ZNF507: variants seen among roughly 807,000 people sequenced by gnomAD.
ZNF507 encodes the protein zinc finger protein 507.
A neutral mutation model predicts 80.0 loss-of-function variants in ZNF507; 29 were observed. The observed-to-expected ratio is 0.36, with a 90% CI of 0.27 to 0.49. The LOEUF (loss-of-function observed/expected upper bound fraction) is 0.49, where lower values mean the gene tolerates loss of function less well. ZNF507 is among the 20% of genes least tolerant of loss of function. ZNF507 has a pLI of 0.98. For missense variants in ZNF507, 1,081 were observed against 1,152.2 expected (o/e 0.94, Z 0.90); for synonymous variants, 462 against 422.5 (o/e 1.09, Z -1.15).
rs180975764 is a variant in ZNF507, at chr19:32,375,073, G to C, written c.2361-7394G>C. Among the ~76,000 whole-genome samples the C allele has an allele frequency of 5.8e-3, 875 of 151,958 alleles. 5 individuals are homozygous for C. The highest frequency in any genetic ancestry group is 0.01 in the Middle Eastern group (3 of 292). On this transcript the variant is annotated intron_variant, in intron 5 of 6. Coordinates refer to ENST00000355898, the MANE Select transcript of ZNF507 (RefSeq NM_001136156.2). The stretch of plus-strand genomic sequence containing the variant: ...TGAGTATGGCAGTAGGAAATACACA[G>C]CTATACCCATGGAGTATATTTGTAA...
intron 4 of ZNF507, chr19:32,357,128 A>T (rs1967263674): frequency 6.3e-6 from 1 of 157,996 alleles, no homozygotes. Context: ...CCAAACTTTA[A>T]CTGGGGCTCC....
At chr19:32,363,045 G>A (rs967842914) in intron 5 of ZNF507, among the ~76,000 whole-genome samples, 5 of 152,108 alleles carry the variant, frequency 3.3e-5, no homozygotes, top group Non-Finnish European at 7.4e-5. Flanking sequence ...CTTTCTCCTC[G>A]TTGTCCTATA....
At chr19:32,367,504 T>G (rs146475144) in intron 5 of ZNF507, among the ~76,000 whole-genome samples, 407 of 152,378 alleles carry the variant, frequency 2.7e-3, no homozygotes, top group African/African-American at 8.6e-3. Context: ...TGTCTTTTGA[T>G]GAACAGACAT....
intron 3 of ZNF507, 94 bp downstream of exon 3, chr19:32,355,051 G>A (rs1374559141): frequency 1.6e-6 from 2 of 1,262,082 alleles, no homozygotes; most frequent in Non-Finnish European, 2.1e-6. Context: ...TCATTTTATA[G>A]ATAAGGAAAC....
chr19:32,354,842 G>T lies in ZNF507; in HGVS notation c.2012G>T (p.Cys671Phe). Residue 671 changes from cysteine to phenylalanine, a missense_variant, in exon 3 of 7, where the codon TGT (cysteine) becomes TTT (phenylalanine). Physicochemically the swap from Cys to Phe is radical, Grantham distance 205. Coordinates refer to ENST00000355898, the MANE Select transcript of ZNF507 (RefSeq NM_001136156.2). ...RVHRQRQPYQ[C>F]PICEHIADNS... ...CATCGACAGAGACAGCCTTATCAGT[G>T]TCCTATCTGCGAGCACATAGCGGAC... The T allele has an allele frequency of 6.2e-7, 1 of 1,614,178 alleles. No individual in the cohort carries two copies. The highest frequency in any genetic ancestry group is 1.1e-5 in the South Asian group (1 of 91,086).
At chr19:32,348,320 A>AT (rs1967121486) in intron 2 of ZNF507, among the ~76,000 whole-genome samples, 2 of 149,286 alleles carry the variant, frequency 1.3e-5, no homozygotes, top group Admixed American at 1.3e-4. Context: ...TTTTTTTCCC[A>AT]TTTTGGAAAA....
intron 5 of ZNF507, among the ~76,000 whole-genome samples, chr19:32,377,496 TATA>T (rs1399655788): frequency 2.0e-5 from 3 of 152,254 alleles, no homozygotes; most frequent in African/African-American, 7.2e-5. Flanking sequence ...GATATTCATA[TATA>T]ATCATATCTA....
At chr19:32,346,232 G>A (rs914686963) in intron 1 of ZNF507, among the ~76,000 whole-genome samples, 1 of 152,214 alleles carries the variant, frequency 6.6e-6, no homozygotes, top group Middle Eastern at 3.4e-3. Flanking sequence ...CTACAGAAAC[G>A]CAGCCCTGGT....
Position 32,385,006 on chromosome 19 carries a change from TGTAA to T in ZNF507, c.*1926_*1929del. The T allele has an allele frequency of 6.6e-6, 1 of 152,032 alleles. No homozygotes were observed. Among genetic ancestry groups the T allele is most frequent in the East Asian group, 1.9e-4 (1 of 5,180 alleles). 9.4% of individuals were successfully genotyped at this position (152,032 alleles called of 1,614,324 possible). ...TTACCCATACTGTTGCCACTCATAT[TGTAA>T]GTCAGTTTTTTCATTGCTGGTACAA... On this transcript the variant is annotated 3_prime_UTR_variant, in exon 7 of 7. Coordinates refer to ENST00000355898, the MANE Select transcript of ZNF507 (RefSeq NM_001136156.2).
At position 32,354,790 on chromosome 19, in the gene ZNF507, G is replaced by C; in HGVS notation, c.1960G>C (p.Gly654Arg). ...RLCHYTSGNK[G>R]YIKQHLRVHR... ...GTGTCACTACACAAGTGGCAACAAG[G>C]GCTACATCAAGCAGCACTTACGAGT... Residue 654 changes from glycine (G) to arginine (R), a missense_variant, in exon 3 of 7, where the codon GGC (glycine) becomes CGC (arginine). Physicochemically the swap from Gly to Arg is moderately radical, Grantham distance 125 (BLOSUM62 -2). Transcript: ENST00000355898. The C allele has an allele frequency of 6.2e-7, 1 of 1,614,134 alleles. No individual in the cohort carries two copies. Among genetic ancestry groups the C allele is most frequent in the Non-Finnish European group, 8.5e-7 (1 of 1,180,038 alleles).
Position 32,353,687 on chromosome 19 carries a change from A to C in ZNF507, c.857A>C (p.Glu286Ala). Reference sequence around the variant, plus strand: ...TATCCAATCTTTGAAAATGAAAATGAACCCCTAGGCCTGCTGGATTCTTCA... The same window carrying C: ...TATCCAATCTTTGAAAATGAAAATGCACCCCTAGGCCTGCTGGATTCTTCA... ...CSYPIFENENEPLGLLDSSAA... is the reference protein window; with the variant it reads ...CSYPIFENENAPLGLLDSSAA... The change falls in exon 3 of 7, where the codon GAA becomes GCA. Residue 286 changes from glutamate (E) to alanine (A), a missense_variant. By Grantham distance (107) the Glu-to-Ala change is moderately radical. This residue lies in a region of ZNF507 where 614 missense variants were observed against 583.9 expected (regional missense o/e 1.05). Transcript: ENST00000355898. 1 of 1,614,184 alleles carries C rather than the reference A, an allele frequency of 6.2e-7. No homozygotes were observed. Among genetic ancestry groups the C allele is most frequent in the Non-Finnish European group, 8.5e-7 (1 of 1,180,048 alleles).
intron 3 of ZNF507, among the ~76,000 whole-genome samples, chr19:32,356,351 C>T (rs1217266362): frequency 6.6e-6 from 1 of 152,246 alleles, no homozygotes; most frequent in Non-Finnish European, 1.5e-5. Context: ...AATACGGACA[C>T]GCCCTGTGTA....
chr19:32,379,564 A>G (rs1967597344), intron 5 of ZNF507, among the ~76,000 whole-genome samples: 1 of 152,240 alleles, frequency 6.6e-6, no homozygotes, highest in African/African-American at 2.4e-5. Flanking sequence ...CTTGACAGTG[A>G]TGTGTATCAT....
chr19:32,352,290 A>G (rs1426747435), intron 2 of ZNF507, among the ~76,000 whole-genome samples: 2 of 152,160 alleles, frequency 1.3e-5, no homozygotes, highest in African/African-American at 4.8e-5. Context: ...CACAATTTCA[A>G]AGATTTGGGG....
chr19:32,383,148 C>T lies in ZNF507; in HGVS notation c.*65C>T, dbSNP rs774312940. 1.6e-5 allele frequency: 25 copies of T among 1,528,020 alleles called. No homozygotes were observed. Among genetic ancestry groups the T allele is most frequent in the Admixed American group, 2.0e-5 (1 of 49,070 alleles). 94.7% of individuals were successfully genotyped at this position (1,528,020 alleles called of 1,614,324 possible). A position where few individuals can be genotyped will look rare whatever the true frequency, so the allele number is the denominator to read the frequency against. Reference sequence around the variant, plus strand: ...TTCCTTCACCACAGTTTCACCTTTACGCTGTCAGACAACTTCCTGCCACAG... The same window carrying T: ...TTCCTTCACCACAGTTTCACCTTTATGCTGTCAGACAACTTCCTGCCACAG... On this transcript the variant is annotated 3_prime_UTR_variant, in exon 7 of 7. Coordinates refer to ENST00000355898, the MANE Select transcript of ZNF507 (RefSeq NM_001136156.2).
intron 5 of ZNF507, among the ~76,000 whole-genome samples, chr19:32,361,180 A>G (rs1344446841): frequency 6.6e-6 from 1 of 152,240 alleles, no homozygotes; most frequent in Non-Finnish European, 1.5e-5. Context: ...AAAATTTTCT[A>G]TGAAAGAGTC....
Position 32,354,263 on chromosome 19 carries a change from C to T in ZNF507, c.1433C>T (p.Ala478Val). Reference sequence around the variant, plus strand: ...AAAGGCCTGGCTACTGATGAGAATGCCCCACCAGGCCGGAGAAGGACAAAT... The same window carrying T: ...AAAGGCCTGGCTACTGATGAGAATGTCCCACCAGGCCGGAGAAGGACAAAT... The part of the protein sequence containing the change: ...MNKGLATDEN[A>V]PPGRRRTNSE... Residue 478 changes from alanine to valine, a missense_variant, in exon 3 of 7, where the codon GCC becomes GTC. Ala to Val is a moderately conservative substitution (Grantham distance 64, BLOSUM62 0). Transcript: ENST00000355898. 1 of 1,614,076 alleles carries T rather than the reference C, an allele frequency of 6.2e-7. No individual in the cohort carries two copies. The highest frequency in any genetic ancestry group is 1.1e-5 in the South Asian group (1 of 91,084).
intron 5 of ZNF507, among the ~76,000 whole-genome samples, chr19:32,367,236 C>T (rs993372001): frequency 2.6e-5 from 4 of 152,132 alleles, no homozygotes; most frequent in African/African-American, 9.7e-5. Context: ...ACAGAGAACT[C>T]ATTATTCATG....
rs1158423455 is a variant in ZNF507, at chr19:32,354,665, A to G, written c.1835A>G (p.Gln612Arg). Residue 612 changes from glutamine (Q) to arginine (R), a missense_variant, in exon 3 of 7, where the codon CAG becomes CGG. Gln to Arg is a conservative substitution (Grantham distance 43). Coordinates refer to ENST00000355898, the MANE Select transcript of ZNF507 (RefSeq NM_001136156.2). ...ASDDDILKEL[Q>R]DNAQCQPNSD... ...GACGATGACATTTTGAAAGAGTTGC[A>G]GGACAACGCCCAGTGCCAACCCAAC... 6.2e-7 allele frequency: 1 copy of G among 1,614,210 alleles called. No homozygotes were observed. The highest frequency in any genetic ancestry group is 8.5e-7 in the Non-Finnish European group (1 of 1,180,042).
Sources: gnomAD v4.1 joint callset for allele counts (sites outside exome capture counted in the v4.1 genomes callset) on GRCh38, gnomAD v4.1.1 for gene constraint, gnomAD v4.1.1 regional missense constraint, MANE v1.5 for transcripts, NCBI Gene and HGNC (gene_info 2026-07-23, HGNC 2026-07-21) for gene names.